NOP14: variants seen among roughly 807,000 people sequenced by gnomAD.
The protein encoded by NOP14 is nucleolar protein 14.
In NOP14, 57 loss-of-function variants were observed where a neutral mutation model predicts 101.6. The ratio of observed to expected loss-of-function variants is 0.56; its 90% CI spans 0.45 to 0.70. The LOEUF is 0.70. NOP14 is among the 30% of genes least tolerant of loss of function. NOP14 has a pLI of 0.00. For synonymous variants in NOP14, 428 were observed against 424.0 expected (o/e 1.01, Z -0.12); for missense variants, 1,134 against 1,075.5 (o/e 1.05, Z -0.76).
At chr4:2,959,288 A>C (rs1460287878) in intron 1 of NOP14, among the ~76,000 whole-genome samples, 1 of 152,230 alleles carries the variant, frequency 6.6e-6, no homozygotes, top group Non-Finnish European at 1.5e-5. Context: ...GTGCTAAACA[A>C]TGTTTGTTAA....
chr4:2,943,632 T>A (rs1714392999), intron 13 of NOP14, among the ~76,000 whole-genome samples: 1 of 152,258 alleles, frequency 6.6e-6, no homozygotes, highest in African/African-American at 2.4e-5. Flanking sequence ...GCGGCCTGTG[T>A]GAGCTGCACG....
chr4:2,947,974 C>A (rs1714768544), intron 9 of NOP14, among the ~76,000 whole-genome samples: 1 of 150,638 alleles, frequency 6.6e-6, no homozygotes, highest in South Asian at 2.1e-4. Context: ...ACAGCAAAGT[C>A]TGGCTCTGCC....
intron 5 of NOP14, among the ~76,000 whole-genome samples, chr4:2,953,251 A>T (rs1003680736): frequency 6.6e-6 from 1 of 152,216 alleles, no homozygotes; most frequent in African/African-American, 2.4e-5. Context: ...CACCTATTCT[A>T]ACGTGTCCAC....
intron 16 of NOP14, 29 bp downstream of exon 16, chr4:2,939,495 TGGC>T (rs773463641): frequency 6.2e-7 from 1 of 1,606,680 alleles, no homozygotes; most frequent in African/African-American, 1.3e-5. Context: ...CCCACAGCCC[TGGC>T]CTCCCAGGGA....
Position 2,939,601 on chromosome 4 carries a change from C to A in NOP14, c.2244G>T (p.Gln748His), listed in dbSNP as rs1344401550. The A allele has an allele frequency of 1.2e-6, 2 of 1,613,954 alleles. No individual in the cohort carries two copies. The highest frequency in any genetic ancestry group is 3.3e-5 in the Admixed American group (2 of 60,032). ...STLTEMESQKQLCRPLTCEKS... is the reference protein window; with the variant it reads ...STLTEMESQKHLCRPLTCEKS... Reference sequence around the variant, plus strand: ...TCTCACAGGTCAGCGGCCGGCAGAGCTGCTTCTGGCTTTCCATTTCGGTCA... The same window carrying A: ...TCTCACAGGTCAGCGGCCGGCAGAGATGCTTCTGGCTTTCCATTTCGGTCA... Residue 748 changes from glutamine (Q) to histidine (H), a missense_variant, in exon 16 of 18, where the codon CAG (glutamine) becomes CAT (histidine). Transcript: ENST00000416614.
At position 2,948,404 on chromosome 4, in the gene NOP14, AG is replaced by A. The variant is rs774653227; in HGVS notation, c.1286del (p.Pro429LeufsTer7). The A allele has an allele frequency of 3.1e-6, 5 of 1,607,546 alleles. No individual in the cohort carries two copies. The highest frequency in any genetic ancestry group is 4.2e-6 in the Non-Finnish European group (5 of 1,178,044). ...GAGATCTCAGTTCCTCATAGGATTCAGGGGCTATCAAAAACACAAAACATAC... is the reference window on the plus strand; with the variant it reads ...GAGATCTCAGTTCCTCATAGGATTCAGGGCTATCAAAAACACAAAACATAC... ...RDELPYTFAAPESYEELRSLL... is the reference protein window; with the variant it reads ...RDELPYTFAAXESYEELRSLL... On this transcript the variant is annotated frameshift_variant, in exon 9 of 18. Transcript: ENST00000416614. LOFTEE classifies it high-confidence loss of function.
chr4:2,938,760 G>A lies in NOP14; in HGVS notation c.*71C>T. Reference sequence around the variant, plus strand: ...TGGGCTGAAGCAATCTTCCTGCCTTGGCCTCCCAGAGGGTTGGAATTGCAG... The same window carrying A: ...TGGGCTGAAGCAATCTTCCTGCCTTAGCCTCCCAGAGGGTTGGAATTGCAG... On this transcript the variant is annotated 3_prime_UTR_variant, in exon 18 of 18. Coordinates refer to ENST00000416614, the MANE Select transcript of NOP14 (RefSeq NM_001291978.2). 7.9e-7 allele frequency: 1 copy of A among 1,272,958 alleles called. No individual in the cohort carries two copies. The highest frequency in any genetic ancestry group is 1.1e-6 in the Non-Finnish European group (1 of 884,764). The allele number at this position is 1,272,958 out of a possible 1,614,324, so 78.9% of individuals were successfully genotyped here. A position where few individuals can be genotyped will look rare whatever the true frequency, so the allele number is the denominator to read the frequency against.
chr4:2,940,697 A>G (rs1449512895), intron 15 of NOP14: 1 of 152,480 alleles, frequency 6.6e-6, no homozygotes, highest in Non-Finnish European at 1.5e-5. Flanking sequence ...GGACGGTGTA[A>G]CGTGCCCGGG....
At chr4:2,949,255 G>A (rs189289938) in intron 8 of NOP14, among the ~76,000 whole-genome samples, 245 of 152,316 alleles carry the variant, frequency 1.6e-3, no homozygotes, top group African/African-American at 5.5e-3. Context: ...CCAGGCTAGA[G>A]TGCAGTGGTG....
chr4:2,960,008 C>T (rs541418719), intron 1 of NOP14, among the ~76,000 whole-genome samples: 1 of 151,092 alleles, frequency 6.6e-6, no homozygotes, highest in South Asian at 2.1e-4. Flanking sequence ...CTCGCTCTGT[C>T]GCCCAGGCTG....
Position 2,938,247 on chromosome 4 carries a change from T to G in NOP14, c.*584A>C. Reference sequence around the variant, plus strand: ...TATTACTCTAAAAAAAATTACTTTTTTGGCTGGGTGCTGTGGCTCACACCT... The same window carrying G: ...TATTACTCTAAAAAAAATTACTTTTGTGGCTGGGTGCTGTGGCTCACACCT... On this transcript the variant is annotated 3_prime_UTR_variant, in exon 18 of 18. Transcript: ENST00000416614. The G allele has an allele frequency of 7.8e-7, 1 of 1,288,702 alleles. No individual in the cohort carries two copies. 79.8% of individuals were successfully genotyped at this position (1,288,702 alleles called of 1,614,324 possible).
intron 15 of NOP14, 30 bp downstream of exon 15, chr4:2,941,552 C>G: frequency 6.2e-7 from 1 of 1,605,250 alleles, no homozygotes; most frequent in Non-Finnish European, 8.5e-7. Flanking sequence ...TGAGCCCAGG[C>G]AGAGCACCCT....
rs565210125 is a variant in NOP14, at chr4:2,941,953, G to A, written c.2052-224C>T. 1.4e-5 allele frequency: 9 copies of A among 628,404 alleles called. No individual in the cohort carries two copies. In the African/African-American group the frequency reaches 1.5e-4, roughly 10 times the overall value. 38.9% of individuals were successfully genotyped at this position (628,404 alleles called of 1,614,324 possible). A position where few individuals can be genotyped will look rare whatever the true frequency, so the allele number is the denominator to read the frequency against. On this transcript the variant is annotated intron_variant, in intron 14 of 17. Transcript: ENST00000416614. ...TGGGAACCGCAGCGCCAGCTGGGATGGGGCGGCTCCATTTTTGGTTCCAAA... is the reference window on the plus strand; with the variant it reads ...TGGGAACCGCAGCGCCAGCTGGGATAGGGCGGCTCCATTTTTGGTTCCAAA...
chr4:2,955,599 C>T (rs958697573), intron 3 of NOP14, among the ~76,000 whole-genome samples: 4 of 152,258 alleles, frequency 2.6e-5, no homozygotes, highest in African/African-American at 4.8e-5. Flanking sequence ...CGCCACAGCG[C>T]CTCCTGGCAA....
chr4:2,957,891 C>T, intron 1 of NOP14, 151 bp from the exon 2 acceptor site: 4 of 699,132 alleles, frequency 5.7e-6, no homozygotes, highest in Non-Finnish European at 8.9e-6. Context: ...TAGGCTTTCT[C>T]TACTAATCAC....
At position 2,938,680 on chromosome 4, in the gene NOP14, G is replaced by GT. The variant is rs576100687; in HGVS notation, c.*150dup. 1.7e-4 allele frequency: 109 copies of GT among 628,290 alleles called. No homozygotes were observed. Among genetic ancestry groups the GT allele is most frequent in the East Asian group, 4.2e-4 (15 of 35,508 alleles). The allele number at this position is 628,290 out of a possible 1,614,324, so 38.9% of individuals were successfully genotyped here. On this transcript the variant is annotated 3_prime_UTR_variant, in exon 18 of 18. Coordinates refer to ENST00000416614, the MANE Select transcript of NOP14 (RefSeq NM_001291978.2). ...GCCACCACACTTGGCTAATTTTTAT[G>GT]TTTTTTTGGTAGAGACGGGGTCTTC...
intron 16 of NOP14, 39 bp from the exon 17 acceptor site, chr4:2,939,382 G>A (rs1377010633): frequency 6.2e-7 from 1 of 1,612,970 alleles, no homozygotes. Flanking sequence ...GCAAGAGTCT[G>A]TCCCCACCTC....
intron 3 of NOP14, among the ~76,000 whole-genome samples, chr4:2,955,004 C>A (rs13114014): frequency 7.1e-6 from 1 of 140,738 alleles, no homozygotes; most frequent in South Asian, 2.3e-4. Context: ...GTCACCTGCA[C>A]GCCACGGCGC....
At position 2,955,752 on chromosome 4, in the gene NOP14, G is replaced by A. The variant is rs1353471732; in HGVS notation, c.472+918C>T. 3.9e-5 allele frequency among the ~76,000 whole-genome samples: 6 copies of A among 152,376 alleles called. No homozygotes were observed. The East Asian group carries it at 9.6e-4, about 24-fold the overall frequency. ...TGAAAAGAGCAAAGACAAAGGCACA[G>A]AGGGGTTAAAATAACTGGCCATTCT... On this transcript the variant is annotated intron_variant, in intron 3 of 17. Coordinates refer to ENST00000416614, the MANE Select transcript of NOP14 (RefSeq NM_001291978.2).
Sources: gnomAD v4.1 joint callset for allele counts (sites outside exome capture counted in the v4.1 genomes callset) on GRCh38, gnomAD v4.1.1 for gene constraint, MANE v1.5 for transcripts, NCBI Gene and HGNC (gene_info 2026-07-23, HGNC 2026-07-21) for gene names.